KDM5C: variants seen among roughly 807,000 people sequenced by gnomAD.
KDM5C encodes the protein lysine demethylase 5C.
KDM5C carries 16 observed loss-of-function variants against 110.6 expected under a neutral mutation model. The ratio of observed to expected loss-of-function variants is 0.14; its 90% CI spans 0.10 to 0.22. The LOEUF is 0.22. Among genes scored for constraint, KDM5C ranks in the 10% least tolerant of loss-of-function variants. The probability of loss-of-function intolerance (pLI) is 1.00; values close to 1 mark genes in which losing one functional copy is unlikely to be tolerated. For synonymous variants in KDM5C, 511 were observed against 520.4 expected, an observed-to-expected ratio of 0.98 and a Z score of 0.24; for missense variants, 681 against 1,300.9, an observed-to-expected ratio of 0.52 and a Z score of 7.33.
At chrX:53,211,999 G>T in intron 8 of KDM5C, 93 bp from the exon 9 acceptor site, 1 of 1,076,605 alleles carries the variant, frequency 9.3e-7, no homozygotes, top group Non-Finnish European at 1.3e-6. Flanking sequence ...TAGGGAGGGA[G>T]AAGAGCCCTA....
At chrX:53,188,727 C>T (rs1321978516), downstream of KDM5C, among the ~76,000 whole-genome samples, 2 of 111,489 alleles carry the variant, frequency 1.8e-5, no homozygotes, top group Non-Finnish European at 3.8e-5. Flanking sequence ...TGGGATCTCA[C>T]ATCTGAAATT....
chrX:53,201,479 T>A, intron 14 of KDM5C, 71 bp downstream of exon 14: 1 of 1,021,519 alleles, frequency 9.8e-7, no homozygotes, highest in Non-Finnish European at 1.4e-6. Flanking sequence ...AGGCTACATC[T>A]TCTTGGTGCT....
chrX:53,193,735 T>C (rs1934600026), intron 24 of KDM5C, 38 bp downstream of exon 24: 1 of 1,176,683 alleles, frequency 8.5e-7, no homozygotes, highest in Non-Finnish European at 1.2e-6. Flanking sequence ...TATGGTGATG[T>C]GCAGTCAACA....
rs782212445 is a variant in KDM5C, at chrX:53,218,628, T to A, written c.229-230A>T. The A allele has an allele frequency of 4.5e-5, 21 of 469,245 alleles. No homozygotes were observed. The highest frequency in any genetic ancestry group is 7.3e-5 in the Non-Finnish European group (19 of 260,274). The allele number at this position is 469,245 out of a possible 1,213,427, so 38.7% of individuals were successfully genotyped here. Reference sequence around the variant, plus strand: ...TCTTGCTCTGTCGCCCAAGCTGGAATGGAGTGGTGCAATCACGGCTGACTG... The same window carrying A: ...TCTTGCTCTGTCGCCCAAGCTGGAAAGGAGTGGTGCAATCACGGCTGACTG... On this transcript the variant is annotated intron_variant, in intron 2 of 25. Transcript: ENST00000375401.
At chrX:53,196,557 G>T in intron 19 of KDM5C, 129 bp downstream of exon 19, 1 of 557,032 alleles carries the variant, frequency 1.8e-6, no homozygotes, top group Non-Finnish European at 3.0e-6. Context: ...GACAACAAAA[G>T]AGGGGAGAGT....
chrX:53,206,539 C>A, intron 12 of KDM5C, among the ~76,000 whole-genome samples: 1 of 111,217 alleles, frequency 9.0e-6, no homozygotes, highest in Non-Finnish European at 1.9e-5. Flanking sequence ...CCAGTGCTGT[C>A]CAAGAGAAAT....
chrX:53,211,288 T>C (rs2073549777), intron 10 of KDM5C, among the ~76,000 whole-genome samples: 1 of 111,942 alleles, frequency 8.9e-6, no homozygotes, highest in Admixed American at 9.5e-5. Flanking sequence ...ATTTTAAAGA[T>C]AAGGAAATGG....
rs2073799298 is a variant in KDM5C, at chrX:53,218,143, C to G, written c.351+133G>C. ...AAAAGATTCCAAGATGTTCTGATGA[C>G]AGCTTGTGTGCTACCAAGCTGTGCC... On this transcript the variant is annotated intron_variant, in intron 3 of 25. Transcript: ENST00000375401. 4.4e-6 allele frequency: 4 copies of G among 900,516 alleles called. No homozygotes were observed. The Admixed American group carries it at 7.5e-5, about 17-fold the overall frequency. The allele number at this position is 900,516 out of a possible 1,213,427, so 74.2% of individuals were successfully genotyped here. A position where few individuals can be genotyped will look rare whatever the true frequency, so the allele number is the denominator to read the frequency against.
At chrX:53,203,180 T>C (rs782574314) in intron 12 of KDM5C, among the ~76,000 whole-genome samples, 110 of 112,181 alleles carry the variant, frequency 9.8e-4, no homozygotes, top group African/African-American at 3.5e-3. Flanking sequence ...TCTGATCTTC[T>C]AGTGTTACTG....
chrX:53,180,719 CTTTTTTTTTTT>C (rs1173641591), intron 25 of KDM5C, among the ~76,000 whole-genome samples: 3 of 30,277 alleles, frequency 9.9e-5, no homozygotes, highest in African/African-American at 1.3e-4. Flanking sequence ...CCACACCCGG[CTTTTTTTTTTT>C]TTTTTTTTTT....
Position 53,194,493 on chromosome X carries a change from G to C in KDM5C, c.3684C>G (p.Thr1228=). 9.9e-6 allele frequency: 12 copies of C among 1,211,235 alleles called. No individual in the cohort carries two copies. The highest frequency in any genetic ancestry group is 1.3e-5 in the Non-Finnish European group (12 of 895,048). The part of the protein sequence containing the change: ...RLLSSPRPNP[T]SSPLLAWWEW... Reference sequence around the variant, plus strand: ...CCCACCAGGCCAGCAGTGGGGATGAGGTGGGATTGGGCCTCGGAGAGCTGA... The same window carrying C: ...CCCACCAGGCCAGCAGTGGGGATGACGTGGGATTGGGCCTCGGAGAGCTGA... The change falls in exon 23 of 26, where the codon ACC becomes ACG. Residue 1228 remains threonine (T), a synonymous_variant. Transcript: ENST00000375401.
intron 25 of KDM5C, among the ~76,000 whole-genome samples, chrX:53,183,762 CG>C (rs1569250613): frequency 1.8e-5 from 2 of 109,944 alleles, no homozygotes; most frequent in South Asian, 7.8e-4. Flanking sequence ...TTAGTAGATA[CG>C]GGGGTTTCAC....
chrX:53,207,372 A>C (rs1272939988), intron 12 of KDM5C, among the ~76,000 whole-genome samples: 1 of 111,439 alleles, frequency 9.0e-6, no homozygotes, highest in African/African-American at 3.3e-5. Context: ...CTTGAAAGCC[A>C]ACATGCATTT....
chrX:53,203,959 T>TG (rs2073235506), intron 12 of KDM5C, among the ~76,000 whole-genome samples: 1 of 111,538 alleles, frequency 9.0e-6, no homozygotes, highest in Non-Finnish European at 1.9e-5. Flanking sequence ...TTTGTCATGT[T>TG]GGCCAGGCTG....
rs1556856159 is a variant in KDM5C at position 53,224,818 on chromosome X, G to A, written c.72C>T (p.Phe24=). ...TCGCGATGTAGCCAAGAGGGTCTCG[G>A]AACTCGGCCCAGCTAGGCTCGAACA... ...CPVFEPSWAE[F]RDPLGYIAKI... The change falls in exon 1 of 26, where the codon TTC becomes TTT. Residue 24 remains phenylalanine, a synonymous_variant. Coordinates refer to ENST00000375401, the MANE Select transcript of KDM5C (RefSeq NM_004187.5). The A allele has an allele frequency of 1.7e-6, 2 of 1,211,612 alleles. No homozygotes were observed. The highest frequency in any genetic ancestry group is 1.7e-5 in the African/African-American group (1 of 57,944).
At chrX:53,182,817 C>G (rs1393071644) in intron 25 of KDM5C, among the ~76,000 whole-genome samples, 1 of 112,240 alleles carries the variant, frequency 8.9e-6, no homozygotes, top group African/African-American at 3.2e-5. Flanking sequence ...TTCTTGATGT[C>G]CTTTGATGCA....
intron 5 of KDM5C, among the ~76,000 whole-genome samples, 168 bp from the exon 6 acceptor site, chrX:53,216,365 G>A (rs1456756099): frequency 1.8e-5 from 2 of 112,202 alleles, no homozygotes; most frequent in Non-Finnish European, 3.8e-5. Flanking sequence ...GAGGGTAGGT[G>A]AGCTGCCCCC....
rs56948247 is a variant in KDM5C at position 53,207,178 on chromosome X, C to CAAAA, written c.1746+3232_1746+3235dup. On this transcript the variant is annotated intron_variant, in intron 12 of 25. Coordinates refer to ENST00000375401, the MANE Select transcript of KDM5C (RefSeq NM_004187.5). ...GGCAACAAGAGTGAGACTCCTTCTC[C>CAAAA]AAAAAAAAAAAAAAAAAAAAAAATC... Among the ~76,000 whole-genome samples the CAAAA allele has an allele frequency of 1.1e-3, 45 of 40,136 alleles. 1 individual carries two copies. The highest frequency in any genetic ancestry group is 2.1e-3 in the African/African-American group (21 of 9,846). 34.9% of individuals were successfully genotyped at this position (40,136 alleles called of 115,157 possible). A position where few individuals can be genotyped will look rare whatever the true frequency, so the allele number is the denominator to read the frequency against.
chrX:53,214,447 A>G (rs1005697119), intron 8 of KDM5C: 12 of 408,225 alleles, frequency 2.9e-5, no homozygotes, highest in Non-Finnish European at 5.1e-5. Context: ...GCCTCTGTTT[A>G]TATGTCACCA....
Sources: gnomAD v4.1 joint callset for allele counts (sites outside exome capture counted in the v4.1 genomes callset) on GRCh38, gnomAD v4.1.1 for gene constraint, MANE v1.5 for transcripts, NCBI Gene and HGNC (gene_info 2026-07-23, HGNC 2026-07-21) for gene names.